Variants in RND2 observed in about 807,000 individuals in gnomAD.
The protein encoded by RND2 is Rho family GTPase 2.
In RND2, 16 loss-of-function variants were observed where a neutral mutation model predicts 25.9. The ratio of observed to expected loss-of-function variants is 0.62; its 90% CI spans 0.42 to 0.94. The LOEUF is 0.94. Ranked by LOEUF, RND2 falls within the 40% of genes least tolerant of loss-of-function variation. RND2 has a pLI of 0.00. For missense variants in RND2, 276 were observed against 305.5 expected (o/e 0.90, Z 0.72); for synonymous variants, 97 against 118.1 (o/e 0.82, Z 1.16).
At chr17:43,027,630 AG>A (rs1410855841) in intron 3 of RND2, among the ~76,000 whole-genome samples, 2 of 151,866 alleles carry the variant, frequency 1.3e-5, no homozygotes, top group African/African-American at 4.8e-5. Context: ...AGCTCAGGAA[AG>A]CCCTGTGGCC....
At chr17:43,027,443 C>T (rs1416434304) in intron 3 of RND2, 151 bp downstream of exon 3, 6 of 564,822 alleles carry the variant, frequency 1.1e-5, no homozygotes, top group African/African-American at 1.9e-5. Context: ...ACCCCTGCCT[C>T]CAGCCCCCAT....
Position 43,028,739 on chromosome 17 carries a change from C to G in RND2, c.*59C>G. The G allele has an allele frequency of 6.7e-7, 1 of 1,498,448 alleles. No individual in the cohort carries two copies. Among genetic ancestry groups the G allele is most frequent in the South Asian group, 1.3e-5 (1 of 78,838 alleles). 92.8% of individuals were successfully genotyped at this position (1,498,448 alleles called of 1,614,324 possible). On this transcript the variant is annotated 3_prime_UTR_variant, in exon 5 of 5. Transcript: ENST00000587250. Reference sequence around the variant, plus strand: ...GGTGAGGGACACAATTGTTCCCCTGCCTGCGCCCAGGCTTCCTGACCTCCT... The same window carrying G: ...GGTGAGGGACACAATTGTTCCCCTGGCTGCGCCCAGGCTTCCTGACCTCCT...
At position 43,028,669 on chromosome 17, in the gene RND2, A is replaced by C; in HGVS notation, c.673A>C (p.Asn225His). The change falls in exon 5 of 5, where the codon AAC becomes CAC. Residue 225 changes from asparagine (N) to histidine (H), a missense_variant. Coordinates refer to ENST00000587250, the MANE Select transcript of RND2 (RefSeq NM_005440.5). ...ACACAAGGATCGAGCCAAAAGCTGC[A>C]ACCTCATGTGAGGGGCTAGGAGAGG... ...EIHKDRAKSC[N>H]LM is the part of the protein sequence containing the mutation. 1 of 1,576,960 alleles carries C rather than the reference A, an allele frequency of 6.3e-7. No individual in the cohort carries two copies. Among genetic ancestry groups the C allele is most frequent in the Non-Finnish European group, 8.6e-7 (1 of 1,160,970 alleles).
Position 43,028,453 on chromosome 17 carries a change from G to T in RND2, c.457G>T (p.Val153Leu). The change falls in exon 5 of 5, where the codon GTG becomes TTG. Residue 153 changes from valine (V) to leucine (L), a missense_variant. Physicochemically the swap from Val to Leu is conservative, Grantham distance 32. Transcript: ENST00000587250. ...CCAGGGCACTGTGCTGGCCAAGCAG[G>T]TGGGGGCTGTGTCCTATGTTGAGTG... The part of the protein sequence containing the change: ...HEQGTVLAKQ[V>L]GAVSYVECSS... 1 of 1,614,164 alleles carries T rather than the reference G, an allele frequency of 6.2e-7. No individual in the cohort carries two copies.
chr17:43,028,905 C>T lies in RND2; in HGVS notation c.*225C>T, dbSNP rs1439221921. 10 of 646,276 alleles carry T rather than the reference C, an allele frequency of 1.5e-5. No individual in the cohort carries two copies. In the East Asian group the frequency reaches 3.1e-4, roughly 20 times the overall value. The allele number at this position is 646,276 out of a possible 1,614,324, so 40.0% of individuals were successfully genotyped here. A position where few individuals can be genotyped will look rare whatever the true frequency, so the allele number is the denominator to read the frequency against. On this transcript the variant is annotated 3_prime_UTR_variant, in exon 5 of 5. Coordinates refer to ENST00000587250, the MANE Select transcript of RND2 (RefSeq NM_005440.5). ...TTGAGGGAGCTAACAGGGCTGGCAT[C>T]TGGGGCATGAACTGGGATGGGGCAG...
At position 43,028,790 on chromosome 17, in the gene RND2, G is replaced by C; in HGVS notation, c.*110G>C. 6.9e-7 allele frequency: 1 copy of C among 1,449,604 alleles called. No homozygotes were observed. Among genetic ancestry groups the C allele is most frequent in the Non-Finnish European group, 9.2e-7 (1 of 1,090,674 alleles). The allele number at this position is 1,449,604 out of a possible 1,614,324, so 89.8% of individuals were successfully genotyped here. A position where few individuals can be genotyped will look rare whatever the true frequency, so the allele number is the denominator to read the frequency against. On this transcript the variant is annotated 3_prime_UTR_variant, in exon 5 of 5. Coordinates refer to ENST00000587250, the MANE Select transcript of RND2 (RefSeq NM_005440.5). ...GATCCTGGCTGGGAAGTTAGGGCAGGCAGAGCGAGCAATTCTGGGCAGGGG... is the reference window on the plus strand; with the variant it reads ...GATCCTGGCTGGGAAGTTAGGGCAGCCAGAGCGAGCAATTCTGGGCAGGGG...
chr17:43,029,281 T>G lies in RND2; in HGVS notation c.*601T>G. The G allele has an allele frequency of 6.5e-6, 1 of 154,352 alleles. No homozygotes were observed. The highest frequency in any genetic ancestry group is 1.4e-5 in the Non-Finnish European group (1 of 69,366). The allele number at this position is 154,352 out of a possible 1,614,324, so 9.6% of individuals were successfully genotyped here. A position where few individuals can be genotyped will look rare whatever the true frequency, so the allele number is the denominator to read the frequency against. On this transcript the variant is annotated 3_prime_UTR_variant, in exon 5 of 5. Coordinates refer to ENST00000587250, the MANE Select transcript of RND2 (RefSeq NM_005440.5). ...TTAAAAAAATCAATCTACCAATCTT[T>G]AGCAGTAAGAGGGAAAGTTAGACCT...
chr17:43,028,260 G>C (rs1032064693), intron 4 of RND2, 65 bp downstream of exon 4: 11 of 1,605,996 alleles, frequency 6.8e-6, no homozygotes, highest in Non-Finnish European at 9.4e-6. Context: ...TTCAGTCTCT[G>C]ATTTGAAAAC....
Position 43,028,522 on chromosome 17 carries a change from G to A in RND2, c.526G>A (p.Val176Met), listed in dbSNP as rs751407363. The change falls in exon 5 of 5, where the codon GTG becomes ATG. Residue 176 changes from valine (V) to methionine (M), a missense_variant. Physicochemically the swap from Val to Met is conservative, Grantham distance 21. Transcript: ENST00000587250. ...GCGCAGCGTCAGGGATGTCTTCCATGTGGCTACAGTGGCCTCCCTTGGCCG... is the reference window on the plus strand; with the variant it reads ...GCGCAGCGTCAGGGATGTCTTCCATATGGCTACAGTGGCCTCCCTTGGCCG... Reference protein sequence around the residue: ...SERSVRDVFHVATVASLGRGH... With the variant: ...SERSVRDVFHMATVASLGRGH... 1 of 1,614,222 alleles carries A rather than the reference G, an allele frequency of 6.2e-7. No individual in the cohort carries two copies. The highest frequency in any genetic ancestry group is 1.7e-5 in the Admixed American group (1 of 60,028).
chr17:43,026,273 G>C lies in RND2; in HGVS notation c.190+226G>C, dbSNP rs2050622214. 3.8e-5 allele frequency: 19 copies of C among 506,106 alleles called. No homozygotes were observed. In the South Asian group the frequency reaches 5.3e-4, roughly 14 times the overall value. The allele number at this position is 506,106 out of a possible 1,614,324, so 31.4% of individuals were successfully genotyped here. On this transcript the variant is annotated intron_variant, in intron 2 of 4. Coordinates refer to ENST00000587250, the MANE Select transcript of RND2 (RefSeq NM_005440.5). ...AGCCTAGGATCTGAGCCCCTCAGCTGGGTCCTGCCTACCTGGGAAAGTTGG... is the reference window on the plus strand; with the variant it reads ...AGCCTAGGATCTGAGCCCCTCAGCTCGGTCCTGCCTACCTGGGAAAGTTGG...
Position 43,028,459 on chromosome 17 carries a change from G to A in RND2, c.463G>A (p.Ala155Thr), listed in dbSNP as rs2050642385. 1.2e-6 allele frequency: 2 copies of A among 1,614,076 alleles called. No homozygotes were observed. The highest frequency in any genetic ancestry group is 2.2e-5 in the East Asian group (1 of 44,894). The change falls in exon 5 of 5, where the codon GCT becomes ACT. Residue 155 changes from alanine to threonine, a missense_variant. Coordinates refer to ENST00000587250, the MANE Select transcript of RND2 (RefSeq NM_005440.5). The part of the protein sequence containing the change: ...QGTVLAKQVG[A>T]VSYVECSSRS... ...CACTGTGCTGGCCAAGCAGGTGGGGGCTGTGTCCTATGTTGAGTGCTCCTC... is the reference window on the plus strand; with the variant it reads ...CACTGTGCTGGCCAAGCAGGTGGGGACTGTGTCCTATGTTGAGTGCTCCTC...
rs1255413954 is a variant in RND2, at chr17:43,030,205, T to G, written c.*1525T>G. On this transcript the variant is annotated 3_prime_UTR_variant, in exon 5 of 5. Coordinates refer to ENST00000587250, the MANE Select transcript of RND2 (RefSeq NM_005440.5). The stretch of plus-strand genomic sequence containing the variant: ...GTTTTCTCGGGAGTCTGGTTTCAGA[T>G]TGTCCTGTATTCCCTTCCTGGCTCT... 1 of 152,760 alleles carries G rather than the reference T, an allele frequency of 6.5e-6. No homozygotes were observed. Among genetic ancestry groups the G allele is most frequent in the African/African-American group, 2.4e-5 (1 of 41,448 alleles). 9.5% of individuals were successfully genotyped at this position (152,760 alleles called of 1,614,324 possible).
In RND2 at chr17:43,029,410, C is replaced by T. The variant is rs1241771429; in HGVS notation, c.*730C>T. On this transcript the variant is annotated 3_prime_UTR_variant, in exon 5 of 5. Transcript: ENST00000587250. Reference sequence around the variant, plus strand: ...AGGAGTCAGAGTTGGGAGAAGGAGACATCCTGGGACTGTTCATCCTAGTTA... The same window carrying T: ...AGGAGTCAGAGTTGGGAGAAGGAGATATCCTGGGACTGTTCATCCTAGTTA... 1.3e-5 allele frequency: 2 copies of T among 152,778 alleles called. No homozygotes were observed. Among genetic ancestry groups the T allele is most frequent in the African/African-American group, 2.4e-5 (1 of 41,438 alleles). The allele number at this position is 152,778 out of a possible 1,614,324, so 9.5% of individuals were successfully genotyped here.
chr17:43,031,626 T>C lies in RND2; in HGVS notation c.*2946T>C, dbSNP rs1195757703. ...TGCCCCCTCTTTCCTCCAACCTCCATATCCTGCCATGTGAGCTCAGGGAAT... is the reference window on the plus strand; with the variant it reads ...TGCCCCCTCTTTCCTCCAACCTCCACATCCTGCCATGTGAGCTCAGGGAAT... On this transcript the variant is annotated 3_prime_UTR_variant, in exon 5 of 5. Transcript: ENST00000587250. 2 of 152,230 alleles carry C rather than the reference T, an allele frequency of 1.3e-5. No homozygotes were observed. The highest frequency in any genetic ancestry group is 3.8e-4 in the East Asian group (2 of 5,196). 9.4% of individuals were successfully genotyped at this position (152,230 alleles called of 1,614,324 possible).
Position 43,028,772 on chromosome 17 carries a change from G to A in RND2, c.*92G>A, listed in dbSNP as rs2050647125. On this transcript the variant is annotated 3_prime_UTR_variant, in exon 5 of 5. Transcript: ENST00000587250. ...CAGGCTTCCTGACCTCCTGATCCTG[G>A]CTGGGAAGTTAGGGCAGGCAGAGCG... 1 of 1,474,244 alleles carries A rather than the reference G, an allele frequency of 6.8e-7. No individual in the cohort carries two copies. The allele number at this position is 1,474,244 out of a possible 1,614,324, so 91.3% of individuals were successfully genotyped here.
intron 4 of RND2, 21 bp downstream of exon 4, chr17:43,028,216 C>A: frequency 6.2e-7 from 1 of 1,613,900 alleles, no homozygotes; most frequent in Non-Finnish European, 8.5e-7. Context: ...TGACGTCTGA[C>A]CTCATCCCAG....
rs2050630164 is a variant in RND2, at chr17:43,027,232, T to G, written c.240T>G (p.Asp80Glu). The G allele has an allele frequency of 6.2e-7, 1 of 1,613,192 alleles. No homozygotes were observed. The highest frequency in any genetic ancestry group is 1.3e-5 in the African/African-American group (1 of 75,040). Reference protein sequence around the residue: ...NVRPLAYPDSDAVLICFDISR... With the variant: ...NVRPLAYPDSEAVLICFDISR... Reference sequence around the variant, plus strand: ...GGCCTCTGGCCTATCCTGATTCTGATGCTGTGCTCATCTGCTTCGACATTA... The same window carrying G: ...GGCCTCTGGCCTATCCTGATTCTGAGGCTGTGCTCATCTGCTTCGACATTA... The change falls in exon 3 of 5, where the codon GAT becomes GAG. Residue 80 changes from aspartate (D) to glutamate (E), a missense_variant. Physicochemically the swap from Asp to Glu is conservative, Grantham distance 45. Transcript: ENST00000587250.
chr17:43,030,312 C>T lies in RND2; in HGVS notation c.*1632C>T, dbSNP rs866794223. On this transcript the variant is annotated 3_prime_UTR_variant, in exon 5 of 5. Coordinates refer to ENST00000587250, the MANE Select transcript of RND2 (RefSeq NM_005440.5). ...CCCTCCCCCAGCCCTAGCCAGTTCT[C>T]CCAGACACACTGGAAGAGAACACTG... is the stretch of plus-strand genomic sequence containing the variant. The T allele has an allele frequency of 6.5e-6, 1 of 152,866 alleles. No homozygotes were observed. The highest frequency in any genetic ancestry group is 2.4e-5 in the African/African-American group (1 of 41,444). 9.5% of individuals were successfully genotyped at this position (152,866 alleles called of 1,614,324 possible).
At chr17:43,025,580 A>T in intron 1 of RND2, 131 bp downstream of exon 1, 1 of 1,269,366 alleles carries the variant, frequency 7.9e-7, no homozygotes, top group Non-Finnish European at 1.1e-6. Flanking sequence ...GGACGCGGGG[A>T]GGCCTTGAGG....
Sources: gnomAD v4.1 joint callset for allele counts (sites outside exome capture counted in the v4.1 genomes callset) on GRCh38, gnomAD v4.1.1 for gene constraint, MANE v1.5 for transcripts, NCBI Gene and HGNC (gene_info 2026-07-23, HGNC 2026-07-21) for gene names.